MGAT4C: variants seen among roughly 807,000 people sequenced by gnomAD.
MGAT4C encodes MGAT4 family member C.
A neutral mutation model predicts 40.1 loss-of-function variants in MGAT4C; 19 were observed. The observed-to-expected ratio is 0.47, with a 90% CI of 0.33 to 0.70. The LOEUF (loss-of-function observed/expected upper bound fraction) is 0.70. Among genes scored for constraint, MGAT4C ranks in the 30% least tolerant of loss-of-function variants. The pLI is 0.02. For synonymous variants in MGAT4C, 181 were observed against 187.1 expected, an observed-to-expected ratio of 0.97 and a Z score of 0.27; for missense variants, 491 against 563.2, an observed-to-expected ratio of 0.87 and a Z score of 1.30.
intron 1 of MGAT4C, among the ~76,000 whole-genome samples, chr12:86,810,540 A>C (rs1381029235): frequency 6.6e-6 from 1 of 151,972 alleles, no homozygotes; most frequent in Non-Finnish European, 1.5e-5. Flanking sequence ...TTCTATCATG[A>C]ATGGTTATTG....
At chr12:86,768,424 T>C (rs1259658961) in intron 1 of MGAT4C, among the ~76,000 whole-genome samples, 1 of 151,854 alleles carries the variant, frequency 6.6e-6, no homozygotes, top group African/African-American at 2.4e-5. Flanking sequence ...ATCAATATCG[T>C]GAAAATGGCC....
intron 2 of MGAT4C, among the ~76,000 whole-genome samples, chr12:86,004,385 T>C (rs1030147978): frequency 6.6e-6 from 1 of 152,162 alleles, no homozygotes; most frequent in African/African-American, 2.4e-5. Context: ...GCCTCAAAAA[T>C]AGCCAAATTA....
intron 2 of MGAT4C, among the ~76,000 whole-genome samples, chr12:86,466,462 G>A (rs1290605526): frequency 1.3e-5 from 2 of 152,148 alleles, no homozygotes; most frequent in African/African-American, 2.4e-5. Flanking sequence ...TACTGTATGA[G>A]TCCTACCATT....
At position 85,980,394 on chromosome 12, in the gene MGAT4C, T is replaced by A; in HGVS notation, c.332A>T (p.Lys111Ile). The A allele has an allele frequency of 6.2e-7, 1 of 1,607,106 alleles. No individual in the cohort carries two copies. The highest frequency in any genetic ancestry group is 8.5e-7 in the Non-Finnish European group (1 of 1,176,988). ...LTIGLSSVKRKKGNYLLETIK... is the reference protein window; with the variant it reads ...LTIGLSSVKRIKGNYLLETIK... Reference sequence around the variant, plus strand: ...TGTCTCAAGTAAATAGTTTCCTTTTTTTCGCTTTACTGAAGAAAGTCCAAT... The same window carrying A: ...TGTCTCAAGTAAATAGTTTCCTTTTATTCGCTTTACTGAAGAAAGTCCAAT... Residue 111 changes from lysine (K) to isoleucine (I), a missense_variant, in exon 5 of 5, where the codon AAA becomes ATA. By Grantham distance (102) the Lys-to-Ile change is moderately radical (BLOSUM62 -3). Transcript: ENST00000611864.
chr12:86,133,248 A>C (rs764175770), intron 1 of MGAT4C, among the ~76,000 whole-genome samples: 14 of 152,214 alleles, frequency 9.2e-5, no homozygotes, highest in Non-Finnish European at 1.6e-4. Flanking sequence ...TTGCTCTTTA[A>C]TTGTATCTGG....
intron 2 of MGAT4C, among the ~76,000 whole-genome samples, chr12:86,715,813 G>A (rs1441531968): frequency 6.6e-6 from 1 of 152,104 alleles, no homozygotes; most frequent in East Asian, 1.9e-4. Flanking sequence ...AATGGTTAAA[G>A]TTTAGTAATC....
At chr12:86,781,062 TATC>T (rs1951832164) in intron 1 of MGAT4C, among the ~76,000 whole-genome samples, 1 of 152,068 alleles carries the variant, frequency 6.6e-6, no homozygotes, top group Admixed American at 6.6e-5. Flanking sequence ...TCCTTTTTCT[TATC>T]ATCTGTTAAT....
intron 1 of MGAT4C, among the ~76,000 whole-genome samples, chr12:86,181,624 C>T (rs770514377): frequency 4.0e-4 from 61 of 152,240 alleles, no homozygotes; most frequent in Non-Finnish European, 8.1e-4. Context: ...CTACATCTAT[C>T]TATCATGAAC....
chr12:86,716,066 T>C (rs1950640812), intron 2 of MGAT4C, among the ~76,000 whole-genome samples: 1 of 152,232 alleles, frequency 6.6e-6, no homozygotes, highest in African/African-American at 2.4e-5. Context: ...CTATATAATA[T>C]GTTGGTATGT....
chr12:86,391,441 CT>C (rs143242371), intron 3 of MGAT4C, among the ~76,000 whole-genome samples: 9,781 of 152,080 alleles, frequency 0.064, 747 homozygotes, highest in East Asian at 0.23. Context: ...ATATACCAGC[CT>C]AATTAGAGAA....
rs1225491865 is a variant in MGAT4C, at chr12:86,586,580, G to C, written c.-229+140629C>G. Among the ~76,000 whole-genome samples the C allele has an allele frequency of 1.0e-4, 12 of 117,842 alleles. No individual in the cohort carries two copies. In the East Asian group the frequency reaches 2.7e-3, roughly 27 times the overall value. The allele number at this position is 117,842 out of a possible 152,430, so 77.3% of individuals were successfully genotyped here. A position where few individuals can be genotyped will look rare whatever the true frequency, so the allele number is the denominator to read the frequency against. Reference sequence around the variant, plus strand: ...ACAGTCCCACCAACAGTGTAAAAGTGTTCCTATTTCTCCACATCCTCTCCA... The same window carrying C: ...ACAGTCCCACCAACAGTGTAAAAGTCTTCCTATTTCTCCACATCCTCTCCA... On this transcript the variant is annotated intron_variant, in intron 2 of 7. Transcript: ENST00000548651.
chr12:86,730,809 ATCC>A (rs1593157818), intron 1 of MGAT4C, among the ~76,000 whole-genome samples: 1 of 152,088 alleles, frequency 6.6e-6, no homozygotes, highest in African/African-American at 2.4e-5. Flanking sequence ...AAGGATTATG[ATCC>A]TCCTCTTCCT....
intron 1 of MGAT4C, among the ~76,000 whole-genome samples, chr12:86,214,698 G>T (rs1950601787): frequency 6.6e-6 from 1 of 152,096 alleles, no homozygotes; most frequent in South Asian, 2.1e-4. Flanking sequence ...CACCATCATT[G>T]CCTGATAACT....
At chr12:86,430,363 G>T (rs1213967474) in intron 3 of MGAT4C, among the ~76,000 whole-genome samples, 3 of 151,616 alleles carry the variant, frequency 2.0e-5, no homozygotes, top group African/African-American at 7.3e-5. Flanking sequence ...CTGCACATTT[G>T]AGGGAATAGT....
chr12:86,761,625 G>A (rs1411145970), intron 1 of MGAT4C, among the ~76,000 whole-genome samples: 1 of 152,176 alleles, frequency 6.6e-6, no homozygotes, highest in Non-Finnish European at 1.5e-5. Flanking sequence ...CTGGTCAGGA[G>A]AAGGCTGGTT....
At chr12:86,443,142 C>A (rs1957263228) in intron 2 of MGAT4C, among the ~76,000 whole-genome samples, 1 of 151,818 alleles carries the variant, frequency 6.6e-6, no homozygotes, top group Non-Finnish European at 1.5e-5. Flanking sequence ...ACCAAACTTG[C>A]AATATGTATG....
chr12:86,218,288 TTACTATTTTTTCACAGTGACCTGTAA>T (rs1443137848), intron 1 of MGAT4C, among the ~76,000 whole-genome samples: 1 of 152,156 alleles, frequency 6.6e-6, no homozygotes, highest in Non-Finnish European at 1.5e-5. Context: ...GTTAAATGAT[TTACTATTTTTTCACAGTGACCTGTAA>T]TACTATTTTG....
chr12:86,838,167 T>C (rs1395475319), intron 1 of MGAT4C, among the ~76,000 whole-genome samples: 2 of 152,168 alleles, frequency 1.3e-5, no homozygotes, highest in African/African-American at 4.8e-5. Context: ...TATACTGAAG[T>C]TTCTTTAAAT....
intron 2 of MGAT4C, among the ~76,000 whole-genome samples, chr12:86,446,638 T>G (rs1449137020): frequency 2.3e-5 from 3 of 128,814 alleles, no homozygotes; most frequent in African/African-American, 8.6e-5. Context: ...TATCAGGACT[T>G]AAAATTACAT....
Sources: gnomAD v4.1 joint callset for allele counts (sites outside exome capture counted in the v4.1 genomes callset) on GRCh38, gnomAD v4.1.1 for gene constraint, MANE v1.5 for transcripts, NCBI Gene and HGNC (gene_info 2026-07-23, HGNC 2026-07-21) for gene names.